Variants in MYPN observed in about 807,000 individuals in gnomAD.
The protein encoded by MYPN is myopalladin.
A neutral mutation model predicts 129.4 loss-of-function variants in MYPN; 63 were observed. The ratio of observed to expected loss-of-function variants is 0.49; its 90% CI spans 0.40 to 0.60. The LOEUF (loss-of-function observed/expected upper bound fraction) is 0.60. Ranked by LOEUF, MYPN falls within the 20% of genes least tolerant of loss-of-function variation. The pLI is 0.00. For missense variants in MYPN, 1,596 were observed against 1,635.4 expected (o/e 0.98, Z 0.42); for synonymous variants, 629 against 600.9 (o/e 1.05, Z -0.68).
In MYPN at chr10:68,142,980, A is replaced by G. The variant is rs778328767; in HGVS notation, c.943A>G (p.Ile315Val). 3.7e-6 allele frequency: 6 copies of G among 1,614,012 alleles called. No individual in the cohort carries two copies. In the South Asian group the frequency reaches 5.5e-5, roughly 15 times the overall value. The change falls in exon 3 of 20, where the codon ATT becomes GTT. Residue 315 changes from isoleucine (I) to valine (V), a missense_variant. Transcript: ENST00000358913. ...CAAGGAGCTTGAAAATTCCCCAGAT[A>G]TTCACATCGTCCAGGCAGGAAATCT... ...EGKELENSPD[I>V]HIVQAGNLHS...
At chr10:68,126,097 T>G (rs1380218227) in intron 2 of MYPN, among the ~76,000 whole-genome samples, 2 of 152,012 alleles carry the variant, frequency 1.3e-5, no homozygotes, top group African/African-American at 4.8e-5. Flanking sequence ...GGAAAGCAAG[T>G]GCAAAGCTCC....
At chr10:68,197,564 G>C (rs188375739) in intron 16 of MYPN, 86 bp downstream of exon 16, 858 of 1,571,364 alleles carry the variant, frequency 5.5e-4, no homozygotes, top group Non-Finnish European at 6.2e-4. Context: ...TTGTTTTGTG[G>C]GTTTTTTTTT....
rs1415156513 is a variant in MYPN at position 68,182,371 on chromosome 10, AACATATATAAC to A, written c.2704-6521_2704-6511del. Among the ~76,000 whole-genome samples the A allele has an allele frequency of 2.5e-3, 259 of 101,756 alleles. 5 individuals carry two copies. Among genetic ancestry groups the A allele is most frequent in the East Asian group, 0.015 (52 of 3,458 alleles). The allele number at this position is 101,756 out of a possible 152,430, so 66.8% of individuals were successfully genotyped here. ...TAACATATATATAACACATATATAT[AACATATATAAC>A]ACATATATAACATATATATAACACA... On this transcript the variant is annotated intron_variant, in intron 12 of 19. Transcript: ENST00000358913.
intron 1 of MYPN, among the ~76,000 whole-genome samples, chr10:68,096,360 A>G (rs940207140): frequency 2.0e-5 from 3 of 152,174 alleles, no homozygotes; most frequent in Admixed American, 6.5e-5. Flanking sequence ...TCAGGAGTTC[A>G]AGACCAGCCT....
chr10:68,142,921 C>T lies in MYPN; in HGVS notation c.903-19C>T. 6.2e-7 allele frequency: 1 copy of T among 1,612,888 alleles called. No individual in the cohort carries two copies. Among genetic ancestry groups the T allele is most frequent in the East Asian group, 2.2e-5 (1 of 44,878 alleles). On this transcript the variant is annotated intron_variant, in intron 2 of 19. Coordinates refer to ENST00000358913, the MANE Select transcript of MYPN (RefSeq NM_032578.4). ...TTGCATTTGAGTCATGTCCAATGAC[C>T]ATATCCTTTTCCCTGCAGGTGGTAC...
chr10:68,151,133 C>T (rs1197562233), intron 6 of MYPN, among the ~76,000 whole-genome samples: 1 of 152,078 alleles, frequency 6.6e-6, no homozygotes, highest in African/African-American at 2.4e-5. Context: ...GCTGAGAAAT[C>T]CTGGTTTGAG....
At chr10:68,184,387 A>G (rs1374036620) in intron 12 of MYPN, among the ~76,000 whole-genome samples, 1 of 152,196 alleles carries the variant, frequency 6.6e-6, no homozygotes, top group Admixed American at 6.5e-5. Flanking sequence ...TACCAGAGTA[A>G]ACACGAGGAG....
chr10:68,140,044 A>AG (rs2042550859), intron 2 of MYPN, among the ~76,000 whole-genome samples: 1 of 152,226 alleles, frequency 6.6e-6, no homozygotes, highest in African/African-American at 2.4e-5. Context: ...GAAGAGGGTC[A>AG]GGGAGGGCCT....
rs138959215 is a variant in MYPN at position 68,113,348 on chromosome 10, T to C, written c.-2+3625T>C. ...CAGATTTAGGTTACTTAGGAGTTCT[T>C]TGGTTTTTTCATGAATGTGCTTCCC... On this transcript the variant is annotated intron_variant, in intron 1 of 19. Transcript: ENST00000358913. Among the ~76,000 whole-genome samples the C allele has an allele frequency of 6.8e-3, 1,035 of 152,310 alleles. 15 individuals are homozygous for C. Among genetic ancestry groups the C allele is most frequent in the African/African-American group, 0.024 (986 of 41,568 alleles).
At chr10:68,205,636 G>A (rs1015121291) in intron 18 of MYPN, among the ~76,000 whole-genome samples, 5 of 151,198 alleles carry the variant, frequency 3.3e-5, no homozygotes, top group Non-Finnish European at 5.9e-5. Flanking sequence ...GCAGTGAGCC[G>A]AGATCACACC....
chr10:68,088,958 G>C (rs908232229), intron 1 of MYPN, among the ~76,000 whole-genome samples: 1 of 152,100 alleles, frequency 6.6e-6, no homozygotes, highest in African/African-American at 2.4e-5. Context: ...TCTACTTTCT[G>C]TTTCTGTAGA....
chr10:68,153,927 T>G (rs576784783), intron 6 of MYPN, among the ~76,000 whole-genome samples: 4 of 152,278 alleles, frequency 2.6e-5, no homozygotes, highest in South Asian at 2.1e-4. Flanking sequence ...AGCCAGTTTT[T>G]TTTTTTTTTA....
At chr10:68,096,271 A>G (rs1387114962) in intron 1 of MYPN, among the ~76,000 whole-genome samples, 3 of 152,204 alleles carry the variant, frequency 2.0e-5, no homozygotes, top group African/African-American at 4.8e-5. Context: ...TTCTTTCTGT[A>G]TGTCAGTTTT....
In MYPN at chr10:68,174,247, A is replaced by G. The variant is rs754578215; in HGVS notation, c.2155A>G (p.Ser719Gly). The change falls in exon 11 of 20, where the codon AGC becomes GGC. Residue 719 changes from serine to glycine, a missense_variant. Ser to Gly is a moderately conservative substitution (Grantham distance 56). Coordinates refer to ENST00000358913, the MANE Select transcript of MYPN (RefSeq NM_032578.4). ...QVKAPSSQTFSLARPKYFFPS... is the reference protein window; with the variant it reads ...QVKAPSSQTFGLARPKYFFPS... ...GAAGGCTCCTTCATCACAGACGTTC[A>G]GCTTGGCCCGGCCGAAGTATTTCTT... 1.2e-6 allele frequency: 2 copies of G among 1,614,182 alleles called. No homozygotes were observed. The highest frequency in any genetic ancestry group is 1.7e-5 in the Admixed American group (1 of 60,018).
At chr10:68,118,285 G>A (rs2042186956) in intron 1 of MYPN, among the ~76,000 whole-genome samples, 1 of 152,002 alleles carries the variant, frequency 6.6e-6, no homozygotes, top group Non-Finnish European at 1.5e-5. Context: ...CCATTATAGT[G>A]GCAAGCCCTA....
chr10:68,139,763 A>C lies in MYPN; in HGVS notation c.903-3177A>C, dbSNP rs1434560691. Among the ~76,000 whole-genome samples, 4 of 152,120 alleles carry C rather than the reference A, an allele frequency of 2.6e-5. No homozygotes were observed. In the East Asian group the frequency reaches 5.8e-4, roughly 22 times the overall value. On this transcript the variant is annotated intron_variant, in intron 2 of 19. Transcript: ENST00000358913. The stretch of plus-strand genomic sequence containing the variant: ...AAATACTTAGAAAATATTAACTGTG[A>C]ATTTTTTCCATCATTCAATCTTTCA...
chr10:68,094,178 G>C (rs1022938879), intron 1 of MYPN, among the ~76,000 whole-genome samples: 1 of 152,018 alleles, frequency 6.6e-6, no homozygotes, highest in African/African-American at 2.4e-5. Context: ...AACCAATCCT[G>C]CCCGCCTTCT....
chr10:68,145,030 T>TC (rs2042638602), intron 3 of MYPN, among the ~76,000 whole-genome samples: 1 of 151,420 alleles, frequency 6.6e-6, no homozygotes, highest in African/African-American at 2.4e-5. Flanking sequence ...TTCATTTCTT[T>TC]TTTTTTTTTT....
chr10:68,111,079 A>G (rs769615791), intron 1 of MYPN, among the ~76,000 whole-genome samples: 1 of 152,214 alleles, frequency 6.6e-6, no homozygotes, highest in African/African-American at 2.4e-5. Flanking sequence ...ACACTACTAC[A>G]ATATGCTTAC....
Sources: allele counts gnomAD v4.1 joint callset (sites outside exome capture counted in the v4.1 genomes callset), GRCh38; gene constraint gnomAD v4.1.1; transcripts MANE v1.5; gene names NCBI Gene and HGNC (gene_info 2026-07-23, HGNC 2026-07-21).